Variants in ULK4 observed in about 807,000 individuals in gnomAD.
ULK4 encodes unc-51 like kinase 4.
ULK4 carries 133 observed loss-of-function variants against 160.6 expected under a neutral mutation model. The ratio of observed to expected loss-of-function variants is 0.83; its 90% confidence interval spans 0.72 to 0.96. ULK4 has a LOEUF of 0.96. Among genes scored for constraint, ULK4 ranks in the 40% least tolerant of loss-of-function variants. The pLI is 0.00. For synonymous variants in ULK4, 534 were observed against 539.8 expected (o/e 0.99, Z 0.15); for missense variants, 1,580 against 1,499.5 (o/e 1.05, Z -0.89).
chr3:41,802,406 C>A (rs1176867176), intron 19 of ULK4, among the ~76,000 whole-genome samples: 1 of 152,128 alleles, frequency 6.6e-6, no homozygotes, highest in Admixed American at 6.5e-5. Context: ...AAGCAATCTT[C>A]TCACTTCAGC....
chr3:41,536,596 TATTCTTATA>T (rs1427990437), intron 32 of ULK4, among the ~76,000 whole-genome samples: 3 of 152,240 alleles, frequency 2.0e-5, no homozygotes, highest in Non-Finnish European at 1.5e-5. Flanking sequence ...TTATTAACTG[TATTCTTATA>T]ACAAAGTAAG....
intron 35 of ULK4, among the ~76,000 whole-genome samples, chr3:41,358,473 G>A (rs1438887473): frequency 2.0e-5 from 3 of 152,168 alleles, no homozygotes; most frequent in Non-Finnish European, 2.9e-5. Context: ...AGAAAGGGGC[G>A]CCTGTTCCTG....
At chr3:41,625,630 C>A (rs563911697) in intron 30 of ULK4, among the ~76,000 whole-genome samples, 111 of 152,318 alleles carry the variant, frequency 7.3e-4, no homozygotes, top group African/African-American at 2.4e-3. Flanking sequence ...ATTCAATAAT[C>A]ATAGCAGATC....
chr3:41,499,597 A>T (rs2085116465), intron 32 of ULK4, among the ~76,000 whole-genome samples: 1 of 152,050 alleles, frequency 6.6e-6, no homozygotes, highest in East Asian at 1.9e-4. Flanking sequence ...CTACATAAAG[A>T]TTTTTTTTGT....
chr3:41,575,386 G>A (rs181964395), intron 31 of ULK4, among the ~76,000 whole-genome samples: 2 of 152,244 alleles, frequency 1.3e-5, no homozygotes, highest in East Asian at 1.9e-4. Flanking sequence ...GGGCTTCTAG[G>A]GGTTGAGCAG....
rs138623698 is a variant in ULK4, at chr3:41,302,824, C to T, written c.3679-53250G>A. ...AAAGCACTTCAGTGATCTATGTTAG[C>T]AAACTGTCTATCGTTGGCTCTATAT... On this transcript the variant is annotated intron_variant, in intron 35 of 36. Transcript: ENST00000301831. Among the ~76,000 whole-genome samples, 64 of 152,254 alleles carry T rather than the reference C, an allele frequency of 4.2e-4. No homozygotes were observed. In the East Asian group the frequency reaches 0.012, roughly 28 times the overall value.
At chr3:41,553,805 C>T (rs937458495) in intron 32 of ULK4, among the ~76,000 whole-genome samples, 12 of 149,038 alleles carry the variant, frequency 8.1e-5, no homozygotes, top group Non-Finnish European at 1.0e-4. Flanking sequence ...TCCCATCAAG[C>T]ATTTATCCTT....
At chr3:41,561,681 T>G (rs996862013) in intron 32 of ULK4, among the ~76,000 whole-genome samples, 33 of 152,226 alleles carry the variant, frequency 2.2e-4, no homozygotes, top group South Asian at 2.1e-4. Context: ...GATGGTAGTT[T>G]GTACTTCTGT....
chr3:41,860,866 AT>A (rs2042484367), intron 17 of ULK4, among the ~76,000 whole-genome samples: 1 of 151,086 alleles, frequency 6.6e-6, no homozygotes, highest in Non-Finnish European at 1.5e-5. Flanking sequence ...CTTGCTTTTT[AT>A]TTTTTGTGTA....
intron 30 of ULK4, among the ~76,000 whole-genome samples, chr3:41,641,832 TAA>T (rs200237320): frequency 2.2e-4 from 31 of 142,272 alleles, no homozygotes; most frequent in Middle Eastern, 3.7e-3. Flanking sequence ...AAAATGCAAG[TAA>T]AAAAAAAAAG....
At chr3:41,583,841 A>G (rs2030571015) in intron 31 of ULK4, among the ~76,000 whole-genome samples, 1 of 152,234 alleles carries the variant, frequency 6.6e-6, no homozygotes, top group Non-Finnish European at 1.5e-5. Flanking sequence ...ATTGTAAACA[A>G]TCATGCAATC....
chr3:41,806,522 G>T (rs972639303), intron 19 of ULK4, among the ~76,000 whole-genome samples: 6 of 152,046 alleles, frequency 3.9e-5, no homozygotes, highest in Non-Finnish European at 7.3e-5. Context: ...CTTGCCTTCT[G>T]CTAGCTTTTG....
At chr3:41,762,632 C>T (rs2039022759) in intron 21 of ULK4, among the ~76,000 whole-genome samples, 1 of 145,024 alleles carries the variant, frequency 6.9e-6, no homozygotes, top group Admixed American at 7.0e-5. Context: ...GGAGAAAGAG[C>T]AAGAGAGCCA....
intron 17 of ULK4, among the ~76,000 whole-genome samples, chr3:41,852,194 C>G (rs993711239): frequency 2.2e-4 from 34 of 152,044 alleles, no homozygotes; most frequent in African/African-American, 7.7e-4. Flanking sequence ...TAGGAAGAAG[C>G]TGAATCTCTG....
At chr3:41,496,281 AT>A (rs1168826436) in intron 32 of ULK4, among the ~76,000 whole-genome samples, 1 of 152,162 alleles carries the variant, frequency 6.6e-6, no homozygotes, top group African/African-American at 2.4e-5. Context: ...ATATACAACG[AT>A]TATGGTACAA....
chr3:41,880,404 G>T (rs77245152), intron 17 of ULK4, among the ~76,000 whole-genome samples: 2,096 of 152,212 alleles, frequency 0.014, 43 homozygotes, highest in African/African-American at 0.048. Flanking sequence ...GTTGATGACA[G>T]AATAAGATGA....
chr3:41,758,371 A>G (rs1489913804), intron 21 of ULK4, among the ~76,000 whole-genome samples: 2 of 152,224 alleles, frequency 1.3e-5, no homozygotes, highest in African/African-American at 4.8e-5. Context: ...TAACAGCTCA[A>G]TTTGAAGGAA....
intron 36 of ULK4, among the ~76,000 whole-genome samples, chr3:41,248,239 A>G (rs1242065047): frequency 6.6e-6 from 1 of 152,158 alleles, no homozygotes; most frequent in Non-Finnish European, 1.5e-5. Context: ...AAATCTCTGT[A>G]GCTGGCTCTA....
At position 41,528,834 on chromosome 3, in the gene ULK4, TG is replaced by T. The variant is rs530844135; in HGVS notation, c.3226+37190del. Among the ~76,000 whole-genome samples, 13 of 152,310 alleles carry T rather than the reference TG, an allele frequency of 8.5e-5. 1 individual carries two copies. The South Asian group carries it at 2.7e-3, about 32-fold the overall frequency. On this transcript the variant is annotated intron_variant, in intron 32 of 36. Transcript: ENST00000301831. ...ATTGAAAAATAAAACTGCAGTGTGT[TG>T]TTGTCCAAGAAAGAAGGCATATCCT...
Sources: allele counts gnomAD v4.1 joint callset (sites outside exome capture counted in the v4.1 genomes callset), GRCh38; gene constraint gnomAD v4.1.1; transcripts MANE v1.5; gene names NCBI Gene and HGNC (gene_info 2026-07-23, HGNC 2026-07-21).